TJP1: variants seen among roughly 807,000 people sequenced by gnomAD.
TJP1 encodes tight junction protein ZO-1.
Under a neutral mutation model 194.2 loss-of-function variants are expected in TJP1, and 43 were observed. That is an observed-to-expected ratio of 0.22 (90% CI 0.17 to 0.29). TJP1 has a LOEUF of 0.29. Among genes scored for constraint, TJP1 ranks in the 10% least tolerant of loss-of-function variants. The pLI, the probability that TJP1 is intolerant of heterozygous loss-of-function variation, is 1.00. For synonymous variants in TJP1, 801 were observed against 779.0 expected, an observed-to-expected ratio of 1.03 and a Z score of -0.47; for missense variants, 1,971 against 2,185.7, an observed-to-expected ratio of 0.90 and a Z score of 1.96.
intron 2 of TJP1, among the ~76,000 whole-genome samples, chr15:29,948,189 C>A (rs1296124822): frequency 6.6e-6 from 1 of 150,450 alleles, no homozygotes; most frequent in Non-Finnish European, 1.5e-5. Context: ...TTGAACCCAG[C>A]AGGCGGAGGT....
At chr15:29,956,177 TAAA>T in intron 2 of TJP1, 1 of 1,113,944 alleles carries the variant, frequency 9.0e-7, no homozygotes, top group Non-Finnish European at 1.1e-6. Flanking sequence ...AATAATAAAA[TAAA>T]AACTTTCATA....
chr15:29,962,955 C>CA (rs554991759), intron 1 of TJP1, among the ~76,000 whole-genome samples: 8 of 152,274 alleles, frequency 5.3e-5, no homozygotes, highest in African/African-American at 1.9e-4. Flanking sequence ...GCCTGGCCAA[C>CA]ATGGTGAAAC....
At chr15:29,875,754 C>T (rs1293203155) in intron 2 of TJP1, among the ~76,000 whole-genome samples, 1 of 152,000 alleles carries the variant, frequency 6.6e-6, no homozygotes, top group East Asian at 1.9e-4. Context: ...TTATTAGAGA[C>T]AGGGTTTCAC....
intron 15 of TJP1, among the ~76,000 whole-genome samples, chr15:29,731,292 G>A (rs2043642498): frequency 6.6e-6 from 1 of 152,132 alleles, no homozygotes; most frequent in African/African-American, 2.4e-5. Context: ...TGGCACAAAA[G>A]CCTTGTGCTA....
intron 18 of TJP1, among the ~76,000 whole-genome samples, chr15:29,724,987 T>C (rs2043155608): frequency 1.3e-5 from 2 of 152,220 alleles, no homozygotes; most frequent in Admixed American, 6.5e-5. Context: ...TGGGAAAACA[T>C]TTATAGACTA....
intron 2 of TJP1, among the ~76,000 whole-genome samples, chr15:29,783,690 T>C (rs2047519733): frequency 6.6e-6 from 1 of 152,212 alleles, no homozygotes; most frequent in Non-Finnish European, 1.5e-5. Flanking sequence ...CCATCATCCT[T>C]AGCAAACTAA....
chr15:29,903,643 G>T (rs1435050075), intron 2 of TJP1, among the ~76,000 whole-genome samples: 2 of 152,032 alleles, frequency 1.3e-5, no homozygotes, highest in East Asian at 3.9e-4. Context: ...ACGGGGTTTC[G>T]CTGTGTTAGC....
chr15:29,733,863 G>A (rs1428089428), intron 12 of TJP1, among the ~76,000 whole-genome samples: 1 of 152,182 alleles, frequency 6.6e-6, no homozygotes, highest in African/African-American at 2.4e-5. Context: ...CTGGCTCTAA[G>A]TGAAAATTGT....
chr15:29,838,183 G>C (rs1472555210), intron 2 of TJP1, among the ~76,000 whole-genome samples: 1 of 152,214 alleles, frequency 6.6e-6, no homozygotes, highest in Non-Finnish European at 1.5e-5. Context: ...CCAGCATTTT[G>C]GGAGGCTGAG....
intron 2 of TJP1, among the ~76,000 whole-genome samples, chr15:29,912,377 T>C (rs2054041942): frequency 6.6e-6 from 1 of 152,196 alleles, no homozygotes; most frequent in Non-Finnish European, 1.5e-5. Context: ...CACAAAATTA[T>C]GTTAATTGTA....
intron 2 of TJP1, among the ~76,000 whole-genome samples, chr15:29,893,156 T>C (rs1427963379): frequency 2.0e-5 from 3 of 152,148 alleles, no homozygotes; most frequent in Admixed American, 2.0e-4. Flanking sequence ...TAACTGCAGA[T>C]GTGGGGGGAA....
intron 1 of TJP1, among the ~76,000 whole-genome samples, chr15:29,966,112 A>G (rs2056323031): frequency 6.6e-6 from 1 of 152,212 alleles, no homozygotes; most frequent in South Asian, 2.1e-4. Flanking sequence ...GCAGAACCCC[A>G]ATGATGGAAA....
chr15:29,736,860 A>G (rs2044066069), intron 11 of TJP1, among the ~76,000 whole-genome samples: 1 of 152,226 alleles, frequency 6.6e-6, no homozygotes, highest in Admixed American at 6.5e-5. Flanking sequence ...GATGACTCAT[A>G]TGGGAGAGGA....
chr15:29,752,167 A>C (rs1429705915), intron 8 of TJP1, among the ~76,000 whole-genome samples: 2 of 150,678 alleles, frequency 1.3e-5, no homozygotes, highest in Non-Finnish European at 2.9e-5. Context: ...CAGTGGCATG[A>C]TCTCGGCTCA....
intron 2 of TJP1, among the ~76,000 whole-genome samples, chr15:29,905,605 A>C (rs2053781508): frequency 6.6e-6 from 1 of 152,244 alleles, no homozygotes; most frequent in Non-Finnish European, 1.5e-5. Context: ...CCTGGGAGTA[A>C]CCAAGATGTC....
chr15:29,732,599 G>A (rs748093782), intron 14 of TJP1, 32 bp downstream of exon 14: 30 of 1,612,518 alleles, frequency 1.9e-5, no homozygotes, highest in Non-Finnish European at 2.5e-5. Context: ...GACGTTAAAG[G>A]GTATTAGGTT....
chr15:29,826,627 T>C (rs1206759182), upstream of TJP1, among the ~76,000 whole-genome samples: 1 of 152,212 alleles, frequency 6.6e-6, no homozygotes, highest in African/African-American at 2.4e-5. Context: ...CTTGGGGGGC[T>C]GACCCTCTCA....
intron 23 of TJP1, among the ~76,000 whole-genome samples, chr15:29,713,357 G>C (rs555871677): frequency 6.6e-6 from 1 of 152,316 alleles, no homozygotes; most frequent in Non-Finnish European, 1.5e-5. Flanking sequence ...CTAAGCTACT[G>C]TCTCCTAACC....
At chr15:29,953,964 C>T (rs2055850388) in intron 2 of TJP1, among the ~76,000 whole-genome samples, 3 of 152,204 alleles carry the variant, frequency 2.0e-5, no homozygotes, top group Admixed American at 2.0e-4. Flanking sequence ...TGGAATAAGC[C>T]TTCTGTGAAC....
Sources: allele counts gnomAD v4.1 joint callset (sites outside exome capture counted in the v4.1 genomes callset), GRCh38; gene constraint gnomAD v4.1.1; transcripts MANE v1.5; gene names NCBI Gene and HGNC (gene_info 2026-07-23, HGNC 2026-07-21).